Variants in PRKG1 observed in about 807,000 individuals in gnomAD.
The protein encoded by PRKG1 is cGMP-dependent protein kinase 1.
A neutral mutation model predicts 88.1 loss-of-function variants in PRKG1; 35 were observed. The ratio of observed to expected loss-of-function variants is 0.40; its 90% CI spans 0.30 to 0.53. The LOEUF is 0.53. Ranked by LOEUF, PRKG1 falls within the 20% of genes least tolerant of loss-of-function variation. The pLI, the probability that PRKG1 is intolerant of heterozygous loss-of-function variation, is 0.59. For synonymous variants in PRKG1, 303 were observed against 292.5 expected (o/e 1.04, Z -0.37); for missense variants, 540 against 839.8 (o/e 0.64, Z 4.41).
chr10:51,571,854 T>A (rs1837762543), intron 3 of PRKG1, among the ~76,000 whole-genome samples: 1 of 151,864 alleles, frequency 6.6e-6, no homozygotes, highest in African/African-American at 2.4e-5. Context: ...AGAATTCACC[T>A]TTCTGAGATG....
At position 52,297,832 on chromosome 10, in the gene PRKG1, T is replaced by A. The variant is rs1842411898; in HGVS notation, c.*3932T>A. On this transcript the variant is annotated 3_prime_UTR_variant, in exon 18 of 18. Coordinates refer to ENST00000373980, the MANE Select transcript of PRKG1 (RefSeq NM_006258.4). ...TGAAACCAATGATGAAAAAGTCACT[T>A]GGTGCACCTCTCAACAAAACAGGAT... 1 of 152,124 alleles carries A rather than the reference T, an allele frequency of 6.6e-6. No individual in the cohort carries two copies. 9.4% of individuals were successfully genotyped at this position (152,124 alleles called of 1,614,324 possible).
chr10:51,817,763 T>C (rs573509820), intron 4 of PRKG1, among the ~76,000 whole-genome samples: 15 of 152,316 alleles, frequency 9.8e-5, no homozygotes, highest in Non-Finnish European at 2.1e-4. Flanking sequence ...AGTAGTTAAA[T>C]ACTGAACAGC....
At chr10:51,537,052 G>T (rs1287200927) in intron 3 of PRKG1, among the ~76,000 whole-genome samples, 1 of 152,092 alleles carries the variant, frequency 6.6e-6, no homozygotes, top group Non-Finnish European at 1.5e-5. Flanking sequence ...AAAGGTAGAT[G>T]TCCAGGTCCA....
intron 3 of PRKG1, among the ~76,000 whole-genome samples, chr10:51,528,797 T>A (rs1841946242): frequency 6.6e-6 from 1 of 151,952 alleles, no homozygotes; most frequent in African/African-American, 2.4e-5. Context: ...AGAAAGTAAC[T>A]CAGAAGTCAA....
intron 5 of PRKG1, among the ~76,000 whole-genome samples, chr10:51,914,422 G>A (rs1166312855): frequency 6.6e-6 from 1 of 152,182 alleles, no homozygotes; most frequent in Admixed American, 6.5e-5. Context: ...GAGGAAAACC[G>A]AACTTTATTG....
intron 3 of PRKG1, among the ~76,000 whole-genome samples, chr10:51,711,576 A>G (rs1046701665): frequency 7.9e-5 from 12 of 152,344 alleles, no homozygotes; most frequent in Middle Eastern, 3.4e-3. Flanking sequence ...AAAGAATTGC[A>G]CCATACGAAA....
intron 1 of PRKG1, among the ~76,000 whole-genome samples, chr10:51,003,273 C>T (rs559485192): frequency 2.0e-5 from 3 of 152,258 alleles, no homozygotes; most frequent in East Asian, 3.9e-4. Flanking sequence ...CTTTTATTTT[C>T]TCTGATCTTT....
At chr10:51,117,405 C>T (rs1476281263) in intron 1 of PRKG1, among the ~76,000 whole-genome samples, 1 of 152,192 alleles carries the variant, frequency 6.6e-6, no homozygotes, top group Non-Finnish European at 1.5e-5. Context: ...TATTTTTTCA[C>T]AGGCAATAAT....
rs143066896 is a variant in PRKG1, at chr10:51,925,748, A to G, written c.762+18178A>G. On this transcript the variant is annotated intron_variant, in intron 5 of 17. Coordinates refer to ENST00000373980, the MANE Select transcript of PRKG1 (RefSeq NM_006258.4). ...AGGGATAAAACTGATGGAAGTGTGG[A>G]GTTGCCCCTAAAACTGAACCCCATA... Among the ~76,000 whole-genome samples the G allele has an allele frequency of 2.3e-3, 344 of 152,242 alleles. 1 individual carries two copies. The highest frequency in any genetic ancestry group is 0.02 in the Middle Eastern group (6 of 294).
chr10:51,669,533 G>A (rs997284951), intron 3 of PRKG1, among the ~76,000 whole-genome samples: 5 of 152,094 alleles, frequency 3.3e-5, no homozygotes, highest in African/African-American at 9.7e-5. Context: ...CACATTTTAG[G>A]AGGAAAATTA....
intron 2 of PRKG1, among the ~76,000 whole-genome samples, chr10:51,316,263 A>C (rs1346020099): frequency 6.6e-6 from 1 of 152,332 alleles, no homozygotes; most frequent in East Asian, 1.9e-4. Flanking sequence ...TGAACGAAAA[A>C]AGTAAAGAAA....
At chr10:51,228,495 C>A (rs1838752504) in intron 2 of PRKG1, among the ~76,000 whole-genome samples, 1 of 152,154 alleles carries the variant, frequency 6.6e-6, no homozygotes, top group African/African-American at 2.4e-5. Context: ...ATATGTAATC[C>A]TGTCCCCAGA....
At chr10:51,764,855 G>C (rs772499238) in intron 3 of PRKG1, among the ~76,000 whole-genome samples, 3 of 152,160 alleles carry the variant, frequency 2.0e-5, no homozygotes, top group Non-Finnish European at 2.9e-5. Flanking sequence ...AATGGGATTA[G>C]TGCTCTTATC....
chr10:51,950,799 A>T (rs1843164689), intron 5 of PRKG1, among the ~76,000 whole-genome samples: 1 of 152,252 alleles, frequency 6.6e-6, no homozygotes, highest in Non-Finnish European at 1.5e-5. Context: ...CTTTCTGGGT[A>T]CCTGCGCTCA....
At chr10:51,182,103 A>G (rs921477774) in intron 2 of PRKG1, among the ~76,000 whole-genome samples, 2 of 152,186 alleles carry the variant, frequency 1.3e-5, no homozygotes, top group African/African-American at 2.4e-5. Flanking sequence ...ATAAACAACC[A>G]AAAGAATATG....
At chr10:52,250,159 G>A (rs1425729914) in intron 9 of PRKG1, among the ~76,000 whole-genome samples, 1 of 152,092 alleles carries the variant, frequency 6.6e-6, no homozygotes, top group Non-Finnish European at 1.5e-5. Flanking sequence ...ACCATCTCCC[G>A]GATCACTATG....
chr10:51,325,551 C>A (rs112735788), intron 2 of PRKG1, among the ~76,000 whole-genome samples: 84 of 152,276 alleles, frequency 5.5e-4, no homozygotes, highest in African/African-American at 1.8e-3. Flanking sequence ...CAAATATATT[C>A]TTCGATACTG....
At chr10:51,228,871 C>T (rs896533152) in intron 2 of PRKG1, among the ~76,000 whole-genome samples, 3 of 152,212 alleles carry the variant, frequency 2.0e-5, no homozygotes, top group Non-Finnish European at 2.9e-5. Flanking sequence ...ATCCTGCTTA[C>T]ATTTTCTCTA....
intron 4 of PRKG1, among the ~76,000 whole-genome samples, chr10:51,828,427 G>A (rs1839929302): frequency 2.0e-5 from 3 of 152,082 alleles, no homozygotes; most frequent in Admixed American, 2.0e-4. Context: ...AGCAAAGACT[G>A]TTCACAGCAT....
Sources: allele counts gnomAD v4.1 joint callset (sites outside exome capture counted in the v4.1 genomes callset), GRCh38; gene constraint gnomAD v4.1.1; transcripts MANE v1.5; gene names NCBI Gene and HGNC (gene_info 2026-07-23, HGNC 2026-07-21).